DDC: variants seen among roughly 807,000 people sequenced by gnomAD.
DDC encodes the protein dopa decarboxylase, also known as aromatic-L-amino-acid decarboxylase.
DDC carries 43 observed loss-of-function variants against 60.0 expected under a neutral mutation model. The observed-to-expected ratio is 0.72, with a 90% CI of 0.56 to 0.92. The LOEUF (loss-of-function observed/expected upper bound fraction) is 0.92, where lower values mean the gene tolerates loss of function less well. Ranked by LOEUF, DDC falls within the 40% of genes least tolerant of loss-of-function variation. The pLI is 0.00. For synonymous variants in DDC, 232 were observed against 234.6 expected (o/e 0.99, Z 0.10); for missense variants, 573 against 620.2 (o/e 0.92, Z 0.81).
At chr7:50,512,830 A>G (rs1020214986) in intron 6 of DDC, among the ~76,000 whole-genome samples, 3 of 152,218 alleles carry the variant, frequency 2.0e-5, no homozygotes, top group Admixed American at 1.3e-4. Context: ...AAGGATACAG[A>G]CAGTGTGAAG....
intron 9 of DDC, chr7:50,480,074 G>C (rs2042733072): frequency 1.7e-6 from 1 of 579,800 alleles, no homozygotes; most frequent in South Asian, 2.0e-5. Context: ...CCAGTTCCTG[G>C]CACACAGCTC....
chr7:50,468,878 T>C (rs1159657624), intron 12 of DDC, among the ~76,000 whole-genome samples: 1 of 150,750 alleles, frequency 6.6e-6, no homozygotes, highest in African/African-American at 2.4e-5. Context: ...TGCAGCTGGC[T>C]AAACGGGTGG....
At chr7:50,465,423 C>T (rs200593557) in intron 13 of DDC, among the ~76,000 whole-genome samples, 32 of 151,872 alleles carry the variant, frequency 2.1e-4, no homozygotes, top group Admixed American at 1.0e-3. Flanking sequence ...CAGGCTGGAG[C>T]GCAGTAGCAC....
At chr7:50,495,590 G>A (rs2043110160) in intron 8 of DDC, among the ~76,000 whole-genome samples, 173 bp from the exon 9 acceptor site, 6 of 152,088 alleles carry the variant, frequency 3.9e-5, no homozygotes, top group Admixed American at 3.9e-4. Flanking sequence ...GGAGTCTTCT[G>A]GAGTGCTGGA....
chr7:50,527,399 C>T (rs924113944), intron 6 of DDC, among the ~76,000 whole-genome samples: 5 of 152,106 alleles, frequency 3.3e-5, no homozygotes, highest in African/African-American at 7.2e-5. Flanking sequence ...TTAATATTGA[C>T]ACTATAGGTT....
At chr7:50,503,887 T>C (rs931811390) in intron 7 of DDC, 106 bp downstream of exon 7, 26 of 854,856 alleles carry the variant, frequency 3.0e-5, no homozygotes, top group Non-Finnish European at 4.9e-5. Flanking sequence ...GGGCAAACCA[T>C]CACAATATGA....
chr7:50,527,113 T>C (rs1227416517), intron 6 of DDC, among the ~76,000 whole-genome samples: 3 of 152,230 alleles, frequency 2.0e-5, no homozygotes, highest in Non-Finnish European at 4.4e-5. Flanking sequence ...TTTGTGGTTA[T>C]ATATGAAACT....
chr7:50,485,068 A>T (rs533877203), intron 9 of DDC, among the ~76,000 whole-genome samples: 2 of 152,372 alleles, frequency 1.3e-5, no homozygotes, highest in African/African-American at 4.8e-5. Context: ...AATTTTTAAA[A>T]ACCTCCCAAT....
At chr7:50,553,646 C>T (rs2045087325) in intron 1 of DDC, among the ~76,000 whole-genome samples, 2 of 152,036 alleles carry the variant, frequency 1.3e-5, no homozygotes, top group East Asian at 1.9e-4. Context: ...GTCACCACAC[C>T]TGGCTAATTT....
chr7:50,487,278 G>T (rs1372330153), intron 9 of DDC, among the ~76,000 whole-genome samples: 1 of 152,072 alleles, frequency 6.6e-6, no homozygotes. Flanking sequence ...ATTTGGTAAA[G>T]TTAGTCTCAA....
At chr7:50,468,591 G>A (rs2042454018) in intron 12 of DDC, among the ~76,000 whole-genome samples, 1 of 152,194 alleles carries the variant, frequency 6.6e-6, no homozygotes, top group South Asian at 2.1e-4. Flanking sequence ...GGAGTAGGCA[G>A]TTCATGGCAC....
intron 1 of DDC, among the ~76,000 whole-genome samples, chr7:50,551,856 T>A (rs2045006388): frequency 6.6e-6 from 1 of 152,178 alleles, no homozygotes; most frequent in Admixed American, 6.5e-5. Flanking sequence ...TAGCAATGCC[T>A]TTTGAAGCAA....
chr7:50,517,265 T>G (rs1208226826), intron 6 of DDC, among the ~76,000 whole-genome samples: 2 of 152,138 alleles, frequency 1.3e-5, no homozygotes, highest in Admixed American at 1.3e-4. Context: ...GATGGTTTAA[T>G]GTATACAAGT....
intron 9 of DDC, among the ~76,000 whole-genome samples, chr7:50,480,823 A>G (rs1214480813): frequency 6.6e-6 from 1 of 152,198 alleles, no homozygotes; most frequent in Non-Finnish European, 1.5e-5. Flanking sequence ...TGAGAAGGCC[A>G]GGATGCCCTG....
chr7:50,530,512 C>T (rs2044170211), intron 4 of DDC, among the ~76,000 whole-genome samples: 1 of 152,158 alleles, frequency 6.6e-6, no homozygotes, highest in African/African-American at 2.4e-5. Context: ...GATTCAGGGC[C>T]TGCTATGTTA....
At position 50,470,080 on chromosome 7, in the gene DDC, A is replaced by G; in HGVS notation, c.1133T>C (p.Ile378Thr). Residue 378 changes from isoleucine to threonine, a missense_variant, in exon 12 of 15, where the codon ATC becomes ACC. Physicochemically the swap from Ile to Thr is moderately conservative, Grantham distance 89 (BLOSUM62 -1). Transcript: ENST00000444124. The part of the protein sequence containing the change: ...MYGVKGLQAY[I>T]RKHVQLSHEF... The stretch of plus-strand genomic sequence containing the variant: ...TAATAAAAACAAAGTCACCTTGCGG[A>G]TATAAGCCTGCAGTCCTTTGACTCC... The G allele has an allele frequency of 3.1e-6, 5 of 1,604,296 alleles. No homozygotes were observed. The highest frequency in any genetic ancestry group is 4.3e-6 in the Non-Finnish European group (5 of 1,171,030).
At chr7:50,551,235 T>C (rs2153552565) in intron 1 of DDC, among the ~76,000 whole-genome samples, 1 of 150,816 alleles carries the variant, frequency 6.6e-6, no homozygotes, top group East Asian at 1.9e-4. Context: ...TGTACTTTTT[T>C]TTTTTTTTTT....
chr7:50,473,155 C>T (rs185150726), intron 11 of DDC, among the ~76,000 whole-genome samples: 50 of 152,344 alleles, frequency 3.3e-4, no homozygotes, highest in Middle Eastern at 6.8e-3. Flanking sequence ...CCGGGAAATA[C>T]GGCCAGGGAC....
rs372353283 is a variant in DDC at position 50,543,868 on chromosome 7, C to G, written c.201+17G>C. On this transcript the variant is annotated intron_variant, in intron 2 of 14. Transcript: ENST00000444124. ...AGTTCTAGCCCTCCTGTTTTCTGAC[C>G]TTGGATACACACTTACCCCAGGCAT... 2 of 1,612,956 alleles carry G rather than the reference C, an allele frequency of 1.2e-6. No homozygotes were observed. Among genetic ancestry groups the G allele is most frequent in the Non-Finnish European group, 1.7e-6 (2 of 1,179,236 alleles).
Sources: allele counts gnomAD v4.1 joint callset (sites outside exome capture counted in the v4.1 genomes callset), GRCh38; gene constraint gnomAD v4.1.1; transcripts MANE v1.5; gene names NCBI Gene and HGNC (gene_info 2026-07-23, HGNC 2026-07-21).